The following GNA11 variants were observed in gnomAD, a reference collection of about 807,000 sequenced individuals.
The protein encoded by GNA11 is G protein subunit alpha 11.
GNA11 carries 8 observed loss-of-function variants against 38.2 expected under a neutral mutation model. The observed-to-expected ratio is 0.21, with a 90% CI of 0.12 to 0.38. The LOEUF (loss-of-function observed/expected upper bound fraction) is 0.38, where lower values mean the gene tolerates loss of function less well. Ranked by LOEUF, GNA11 falls within the 10% of genes least tolerant of loss-of-function variation. The probability of loss-of-function intolerance (pLI) is 1.00; values close to 1 mark genes in which losing one functional copy is unlikely to be tolerated. For synonymous variants in GNA11, 211 were observed against 221.4 expected, an observed-to-expected ratio of 0.95 and a Z score of 0.42; for missense variants, 268 against 516.3, an observed-to-expected ratio of 0.52 and a Z score of 4.66.
rs11667202 is a variant in GNA11, at chr19:3,119,113, C to G, written c.735+60C>G. The G allele has an allele frequency of 4.4e-6, 7 of 1,605,900 alleles. No homozygotes were observed. The East Asian group carries it at 1.3e-4, about 31-fold the overall frequency. On this transcript the variant is annotated intron_variant, in intron 5 of 6. Transcript: ENST00000078429. The surrounding 1 kb of genome is among the most constrained non-coding windows in gnomAD (Gnocchi z 4.6). ...GCCGGGCCTTCCCCACCTGCCAAGCCTGGGTCCCCTCACCTGGGTCCCCCC... is the reference window on the plus strand; with the variant it reads ...GCCGGGCCTTCCCCACCTGCCAAGCGTGGGTCCCCTCACCTGGGTCCCCCC...
intron 2 of GNA11, among the ~76,000 whole-genome samples, chr19:3,111,995 C>G (rs1913786286): frequency 6.6e-6 from 1 of 152,272 alleles, no homozygotes; most frequent in Non-Finnish European, 1.5e-5. Flanking sequence ...CCATCAGCTT[C>G]TGAAACACGC....
chr19:3,113,246 G>T, intron 2 of GNA11, 84 bp from the exon 3 acceptor site: 1 of 1,347,748 alleles, frequency 7.4e-7, no homozygotes, highest in Non-Finnish European at 1.1e-6. Flanking sequence ...GCCAGCCGAG[G>T]CCTGGAAGAG....
intron 1 of GNA11, among the ~76,000 whole-genome samples, chr19:3,101,418 G>A (rs1280156409): frequency 2.0e-5 from 3 of 152,154 alleles, no homozygotes; most frequent in Admixed American, 6.5e-5. Context: ...CAGGGACTGT[G>A]GGGCCGGGTC....
chr19:3,113,338 G>A lies in GNA11; in HGVS notation c.330G>A (p.Ala110=), dbSNP rs767543072. Residue 110 remains alanine (A), a synonymous_variant, in exon 3 of 7, where the codon GCG becomes GCA. Coordinates refer to ENST00000078429, the MANE Select transcript of GNA11 (RefSeq NM_002067.5). The stretch of plus-strand genomic sequence containing the variant: ...CCTGCCCGCCCTCGCAGGCCAATGC[G>A]CTCCTGATCCGGGAGGTGGACGTGG... ...LYKYEQNKAN[A]LLIREVDVEK... The A allele has an allele frequency of 3.2e-5, 52 of 1,613,298 alleles. No individual in the cohort carries two copies. In the South Asian group the frequency reaches 4.9e-4, roughly 15 times the overall value.
rs1375494141 is a variant in GNA11, at chr19:3,122,337, G to A, written c.*1158G>A. 3 of 232,144 alleles carry A rather than the reference G, an allele frequency of 1.3e-5. No homozygotes were observed. The highest frequency in any genetic ancestry group is 1.2e-4 in the East Asian group (2 of 16,504). 14.4% of individuals were successfully genotyped at this position (232,144 alleles called of 1,614,324 possible). A position where few individuals can be genotyped will look rare whatever the true frequency, so the allele number is the denominator to read the frequency against. ...CCCCCGAGCGCCGCCCCCGGGGAGCGGGAAGCCAGCACTCGCACTTTGGCC... is the reference window on the plus strand; with the variant it reads ...CCCCCGAGCGCCGCCCCCGGGGAGCAGGAAGCCAGCACTCGCACTTTGGCC... On this transcript the variant is annotated 3_prime_UTR_variant, in exon 7 of 7. Coordinates refer to ENST00000078429, the MANE Select transcript of GNA11 (RefSeq NM_002067.5). This position sits in a 1 kb window ranked among gnomAD's most constrained non-coding sequence, Gnocchi z 7.7.
intron 1 of GNA11, among the ~76,000 whole-genome samples, chr19:3,105,139 A>G (rs942786800): frequency 2.6e-5 from 4 of 152,070 alleles, no homozygotes; most frequent in African/African-American, 9.7e-5. Flanking sequence ...TCACCCGTGG[A>G]GTGCGTGCTC....
In GNA11 at chr19:3,112,365, T is replaced by TG. The variant is rs1194369672; in HGVS notation, c.322-959dup. Among the ~76,000 whole-genome samples, 17 of 152,266 alleles carry TG rather than the reference T, an allele frequency of 1.1e-4. No homozygotes were observed. The South Asian group carries it at 1.9e-3, about 17-fold the overall frequency. On this transcript the variant is annotated intron_variant, in intron 2 of 6. Transcript: ENST00000078429. ...ACAAGCAAGGGCTGAGTCTCCACTCTGGGGGGCCTGGGAGGGCCCCGTGGC... is the reference window on the plus strand; with the variant it reads ...ACAAGCAAGGGCTGAGTCTCCACTCTGGGGGGGCCTGGGAGGGCCCCGTGGC...
In GNA11 at chr19:3,122,649, A is replaced by AG; in HGVS notation, c.*1473dup. On this transcript the variant is annotated 3_prime_UTR_variant, in exon 7 of 7. Transcript: ENST00000078429. This position sits in a 1 kb window ranked among gnomAD's most constrained non-coding sequence, Gnocchi z 7.7. ...GTTCCGGGCTTCGCACAGCTGTCCCAGGGATGGATCGCCTGTGCTGCCTTC... is the reference window on the plus strand; with the variant it reads ...GTTCCGGGCTTCGCACAGCTGTCCCAGGGGATGGATCGCCTGTGCTGCCTTC... 4.3e-6 allele frequency: 1 copy of AG among 233,444 alleles called. No individual in the cohort carries two copies. The highest frequency in any genetic ancestry group is 8.5e-6 in the Non-Finnish European group (1 of 118,214). The allele number at this position is 233,444 out of a possible 1,614,324, so 14.5% of individuals were successfully genotyped here. A position where few individuals can be genotyped will look rare whatever the true frequency, so the allele number is the denominator to read the frequency against.
intron 4 of GNA11, 36 bp downstream of exon 4, chr19:3,115,108 C>G (rs1264729103): frequency 6.3e-7 from 1 of 1,598,466 alleles, no homozygotes; most frequent in Non-Finnish European, 8.5e-7. Flanking sequence ...GGAGGGGGCA[C>G]TGAGAGGCTC....
chr19:3,097,178 C>T (rs964752858), intron 1 of GNA11, among the ~76,000 whole-genome samples: 10 of 151,640 alleles, frequency 6.6e-5, no homozygotes, highest in African/African-American at 2.4e-4. Context: ...GGGGCCGAGG[C>T]TCCCCGGAAG....
Position 3,115,246 on chromosome 19 carries a change from A to T in GNA11, c.605+174A>T, listed in dbSNP as rs1913881189. 19 of 637,462 alleles carry T rather than the reference A, an allele frequency of 3.0e-5. No homozygotes were observed. In the South Asian group the frequency reaches 3.5e-4, roughly 12 times the overall value. 39.5% of individuals were successfully genotyped at this position (637,462 alleles called of 1,614,324 possible). Reference sequence around the variant, plus strand: ...TAGCCAGACCTCATATCTAAAAAAAATTTTAAAAATTAGCTGGGCGTGGTT... The same window carrying T: ...TAGCCAGACCTCATATCTAAAAAAATTTTTAAAAATTAGCTGGGCGTGGTT... On this transcript the variant is annotated intron_variant, in intron 4 of 6. Coordinates refer to ENST00000078429, the MANE Select transcript of GNA11 (RefSeq NM_002067.5).
rs1914093475 is a variant in GNA11 at position 3,122,036 on chromosome 19, G to C, written c.*857G>C. 4.3e-6 allele frequency: 1 copy of C among 233,238 alleles called. No individual in the cohort carries two copies. Among genetic ancestry groups the C allele is most frequent in the Non-Finnish European group, 8.5e-6 (1 of 117,916 alleles). 14.4% of individuals were successfully genotyped at this position (233,238 alleles called of 1,614,324 possible). ...TGCTTGGGGCTGCCCGGGGACTCCA[G>C]AGGGCTGCACGGCCACCCTGCCCTG... is the stretch of plus-strand genomic sequence containing the variant. On this transcript the variant is annotated 3_prime_UTR_variant, in exon 7 of 7. Coordinates refer to ENST00000078429, the MANE Select transcript of GNA11 (RefSeq NM_002067.5). The surrounding 1 kb of genome is among the most constrained non-coding windows in gnomAD (Gnocchi z 7.7).
chr19:3,115,238 T>TA, intron 4 of GNA11, 166 bp downstream of exon 4: 9 of 694,322 alleles, frequency 1.3e-5, no homozygotes, highest in Admixed American at 3.1e-5. Context: ...ACCTCATATC[T>TA]AAAAAAAATT....
At chr19:3,103,769 T>G (rs1913566760) in intron 1 of GNA11, among the ~76,000 whole-genome samples, 1 of 151,534 alleles carries the variant, frequency 6.6e-6, no homozygotes, top group East Asian at 1.9e-4. Context: ...AGTGGCACGA[T>G]CTCAGCTCAC....
rs1029450909 is a variant in GNA11, at chr19:3,119,559, C to A, written c.889+200C>A. On this transcript the variant is annotated intron_variant, in intron 6 of 6. Transcript: ENST00000078429. The surrounding 1 kb of genome is among the most constrained non-coding windows in gnomAD (Gnocchi z 4.6). ...CTGTACGGGAATGAGTTCTCCGACG[C>A]GGGTGTCTCATACCCGTGGGAGATC... 7.7e-6 allele frequency among the ~76,000 whole-genome samples: 1 copy of A among 129,210 alleles called. No individual in the cohort carries two copies. Among genetic ancestry groups the A allele is most frequent in the Non-Finnish European group, 1.6e-5 (1 of 62,672 alleles). 84.8% of individuals were successfully genotyped at this position (129,210 alleles called of 152,430 possible).
chr19:3,106,616 G>A (rs565695900), intron 1 of GNA11, among the ~76,000 whole-genome samples: 3 of 148,340 alleles, frequency 2.0e-5, no homozygotes, highest in Non-Finnish European at 3.0e-5. Flanking sequence ...GACACGAGTG[G>A]CTTCACCCAG....
At chr19:3,114,833 G>A (rs1020645966) in intron 3 of GNA11, 111 bp from the exon 4 acceptor site, 5 of 1,039,168 alleles carry the variant, frequency 4.8e-6, no homozygotes, top group Admixed American at 2.0e-5. Context: ...CGCAGTGCGC[G>A]GTCCACCCCC....
rs553616558 is a variant in GNA11 at position 3,122,492 on chromosome 19, C to T, written c.*1313C>T. 8 of 232,004 alleles carry T rather than the reference C, an allele frequency of 3.4e-5. No homozygotes were observed. The highest frequency in any genetic ancestry group is 1.8e-4 in the South Asian group (1 of 5,518). 14.4% of individuals were successfully genotyped at this position (232,004 alleles called of 1,614,324 possible). A position where few individuals can be genotyped will look rare whatever the true frequency, so the allele number is the denominator to read the frequency against. On this transcript the variant is annotated 3_prime_UTR_variant, in exon 7 of 7. Transcript: ENST00000078429. This position sits in a 1 kb window ranked among gnomAD's most constrained non-coding sequence, Gnocchi z 7.7. ...AGCCACAGCCCCGGGGGCCGCCTCC[C>T]GGGGCCCCTTGAGGCACTGAGGCAC...
Position 3,113,345 on chromosome 19 carries a change from A to C in GNA11, c.337A>C (p.Ile113Leu). Residue 113 changes from isoleucine (I) to leucine (L), a missense_variant, in exon 3 of 7, where the codon ATC becomes CTC. Ile to Leu is a conservative substitution (Grantham distance 5). Around this residue, in one of 3 missense-constraint regions of GNA11, gnomAD observed 151 missense variants for 254.0 expected, o/e 0.59. Transcript: ENST00000078429. ...YEQNKANALL[I>L]REVDVEKVTT... The stretch of plus-strand genomic sequence containing the variant: ...GCCCTCGCAGGCCAATGCGCTCCTG[A>C]TCCGGGAGGTGGACGTGGAGAAGGT... 1 of 1,613,292 alleles carries C rather than the reference A, an allele frequency of 6.2e-7. No individual in the cohort carries two copies. The highest frequency in any genetic ancestry group is 1.7e-5 in the Admixed American group (1 of 60,022).
Sources: allele counts gnomAD v4.1 joint callset (sites outside exome capture counted in the v4.1 genomes callset), GRCh38; gene constraint gnomAD v4.1.1; regional missense constraint gnomAD v4.1.1; non-coding constraint Gnocchi (gnomAD v3.1); transcripts MANE v1.5; gene names NCBI Gene and HGNC (gene_info 2026-07-23, HGNC 2026-07-21).